XIRP2: variants seen among roughly 807,000 people sequenced by gnomAD.
XIRP2 encodes the protein xin actin-binding repeat-containing protein 2.
In XIRP2, 236 loss-of-function variants were observed where a neutral mutation model predicts 277.0. The ratio of observed to expected loss-of-function variants is 0.85; its 90% CI spans 0.77 to 0.95. The LOEUF is 0.95. Among genes scored for constraint, XIRP2 ranks in the 40% least tolerant of loss-of-function variants. The pLI, the probability that XIRP2 is intolerant of heterozygous loss-of-function variation, is 0.00. For missense variants in XIRP2, 4,640 were observed against 4,157.5 expected (o/e 1.12, Z -3.19); for synonymous variants, 1,490 against 1,416.5 (o/e 1.05, Z -1.17).
At chr2:167,117,472 C>CT (rs1474853064) in intron 2 of XIRP2, among the ~76,000 whole-genome samples, 1 of 152,208 alleles carries the variant, frequency 6.6e-6, no homozygotes. Context: ...CAGGGAGTGA[C>CT]TGTAAAACCT....
chr2:167,203,857 T>TATTG (rs1252785020), intron 3 of XIRP2, among the ~76,000 whole-genome samples: 13 of 152,238 alleles, frequency 8.5e-5, no homozygotes, highest in African/African-American at 3.1e-4. Context: ...ATGATATGTG[T>TATTG]ATTGGTATGC....
intron 2 of XIRP2, among the ~76,000 whole-genome samples, chr2:166,978,194 G>T (rs1057212802): frequency 6.6e-6 from 1 of 152,108 alleles, no homozygotes; most frequent in East Asian, 1.9e-4. Context: ...ACCTGAAAGT[G>T]TGTATTTGTT....
At chr2:166,902,649 T>A (rs1684412733) in intron 1 of XIRP2, among the ~76,000 whole-genome samples, 1 of 151,992 alleles carries the variant, frequency 6.6e-6, no homozygotes, top group South Asian at 2.1e-4. Flanking sequence ...TTTGCCATTT[T>A]TTTTCTTCCT....
chr2:166,998,829 C>T (rs535680598), intron 2 of XIRP2, among the ~76,000 whole-genome samples: 2 of 152,234 alleles, frequency 1.3e-5, no homozygotes, highest in South Asian at 4.1e-4. Context: ...TCCTGGTGCC[C>T]CCTTGGTGGA....
intron 2 of XIRP2, 92 bp from the exon 3 acceptor site, chr2:167,135,817 C>A: frequency 8.2e-7 from 1 of 1,226,592 alleles, no homozygotes; most frequent in Non-Finnish European, 1.1e-6. Flanking sequence ...AAATCCCTCC[C>A]TCTTTCATTT....
At chr2:167,109,591 T>G (rs1334303396) in intron 2 of XIRP2, among the ~76,000 whole-genome samples, 1 of 152,228 alleles carries the variant, frequency 6.6e-6, no homozygotes, top group African/African-American at 2.4e-5. Flanking sequence ...CAACCACATT[T>G]TCTTTAACCA....
intron 2 of XIRP2, among the ~76,000 whole-genome samples, chr2:167,080,630 G>T (rs1389872666): frequency 6.6e-6 from 1 of 152,132 alleles, no homozygotes; most frequent in Non-Finnish European, 1.5e-5. Context: ...CATTTGAAAG[G>T]TTGAAAAACA....
chr2:166,931,917 T>C (rs1463796128), intron 2 of XIRP2, among the ~76,000 whole-genome samples: 2 of 152,232 alleles, frequency 1.3e-5, no homozygotes, highest in African/African-American at 4.8e-5. Context: ...TTAATGTCTC[T>C]GACATTATTT....
chr2:167,227,879 AT>A (rs1573975324), intron 5 of XIRP2, among the ~76,000 whole-genome samples: 5 of 151,772 alleles, frequency 3.3e-5, no homozygotes, highest in Admixed American at 1.3e-4. Flanking sequence ...CTTCATTACA[AT>A]TTTTTTTGCA....
intron 2 of XIRP2, among the ~76,000 whole-genome samples, chr2:167,090,366 C>T (rs1298352154): frequency 2.0e-5 from 3 of 152,038 alleles, no homozygotes; most frequent in African/African-American, 4.8e-5. Flanking sequence ...TAAGCAGTCT[C>T]TTTAAATATT....
intron 3 of XIRP2, among the ~76,000 whole-genome samples, chr2:167,142,176 A>T (rs1251728950): frequency 6.6e-6 from 1 of 152,184 alleles, no homozygotes; most frequent in Non-Finnish European, 1.5e-5. Flanking sequence ...AGCAGAGGGC[A>T]AAAAGTTCAG....
chr2:167,027,158 G>T lies in XIRP2; in HGVS notation c.409-108751G>T, dbSNP rs180718164. Among the ~76,000 whole-genome samples, 934 of 152,034 alleles carry T rather than the reference G, an allele frequency of 6.1e-3. 11 individuals carry two copies. Among genetic ancestry groups the T allele is most frequent in the African/African-American group, 0.021 (878 of 41,500 alleles). On this transcript the variant is annotated intron_variant, in intron 2 of 10. Coordinates refer to ENST00000409195, the MANE Select transcript of XIRP2 (RefSeq NM_152381.6). ...AGGTACACCAATCAGACCTAGATTT[G>T]GTCTTTTCACATAGTCCTATATTTC... is the stretch of plus-strand genomic sequence containing the variant.
intron 2 of XIRP2, among the ~76,000 whole-genome samples, chr2:167,029,869 G>T (rs1165737613): frequency 6.6e-6 from 1 of 152,076 alleles, no homozygotes; most frequent in Non-Finnish European, 1.5e-5. Context: ...ATTAATTACT[G>T]CCTCAATTTC....
intron 3 of XIRP2, among the ~76,000 whole-genome samples, chr2:167,143,312 G>T (rs1691775566): frequency 6.6e-6 from 1 of 152,152 alleles, no homozygotes; most frequent in Non-Finnish European, 1.5e-5. Context: ...GATACAGGAA[G>T]CAACTACTTA....
At chr2:167,049,939 G>A (rs1400952196) in intron 2 of XIRP2, among the ~76,000 whole-genome samples, 2 of 151,978 alleles carry the variant, frequency 1.3e-5, no homozygotes, top group African/African-American at 4.8e-5. Flanking sequence ...ACAAGATAAA[G>A]AATTTAAGAT....
intron 2 of XIRP2, chr2:167,124,054 ATTTGATGCAT>A (rs1691131045): frequency 6.6e-6 from 1 of 152,144 alleles, no homozygotes; most frequent in Non-Finnish European, 1.5e-5. Context: ...ATCATAAATA[ATTTGATGCAT>A]TCTCTTCCCT....
rs761916641 is a variant in XIRP2, at chr2:167,243,734, C to G, written c.2342C>G (p.Thr781Arg). The G allele has an allele frequency of 1.7e-5, 27 of 1,613,774 alleles. No homozygotes were observed. The highest frequency in any genetic ancestry group is 2.2e-5 in the Non-Finnish European group (26 of 1,179,924). Reference sequence around the variant, plus strand: ...ATGTTTGAAACACAGCCGTTGGACACAATTAACAAAGATATCACAGAAATT... The same window carrying G: ...ATGTTTGAAACACAGCCGTTGGACAGAATTAACAAAGATATCACAGAAATT... ...RWMFETQPLDTINKDITEIKV... is the reference protein window; with the variant it reads ...RWMFETQPLDRINKDITEIKV... The change falls in exon 9 of 11, where the codon ACA becomes AGA. Residue 781 changes from threonine to arginine, a missense_variant. By Grantham distance (71) the Thr-to-Arg change is moderately conservative. Coordinates refer to ENST00000409195, the MANE Select transcript of XIRP2 (RefSeq NM_152381.6).
intron 2 of XIRP2, among the ~76,000 whole-genome samples, chr2:167,014,248 A>G (rs1041319065): frequency 2.6e-5 from 4 of 151,744 alleles, no homozygotes; most frequent in African/African-American, 9.7e-5. Context: ...CTAGACACAC[A>G]GAGAACACCT....
At chr2:167,217,368 T>A (rs966169678) in intron 4 of XIRP2, among the ~76,000 whole-genome samples, 2 of 152,138 alleles carry the variant, frequency 1.3e-5, no homozygotes, top group African/African-American at 4.8e-5. Context: ...TAAAGCCCCC[T>A]GATTCTGACA....
Sources: gnomAD v4.1 joint callset for allele counts (sites outside exome capture counted in the v4.1 genomes callset) on GRCh38, gnomAD v4.1.1 for gene constraint, MANE v1.5 for transcripts, NCBI Gene and HGNC (gene_info 2026-07-23, HGNC 2026-07-21) for gene names.